The following CPT1A variants were observed in gnomAD, a reference collection of about 807,000 sequenced individuals.
CPT1A encodes carnitine palmitoyltransferase 1A.
Under a neutral mutation model 100.8 loss-of-function variants are expected in CPT1A, and 64 were observed. The ratio of observed to expected loss-of-function variants is 0.63; its 90% CI spans 0.52 to 0.78. The LOEUF (loss-of-function observed/expected upper bound fraction) is 0.78, where lower values mean the gene tolerates loss of function less well. CPT1A is among the 30% of genes least tolerant of loss of function. The pLI, the probability that CPT1A is intolerant of heterozygous loss-of-function variation, is 0.00. For missense variants in CPT1A, 802 were observed against 1,034.1 expected (o/e 0.78, Z 3.08); for synonymous variants, 363 against 396.0 (o/e 0.92, Z 0.99).
chr11:68,768,001 T>C (rs1358672873), intron 14 of CPT1A, among the ~76,000 whole-genome samples: 1 of 150,014 alleles, frequency 6.7e-6, no homozygotes, highest in Non-Finnish European at 1.5e-5. Context: ...CACGCATCTT[T>C]AACCTTGGCA....
At chr11:68,787,673 G>A (rs1367152838) in intron 9 of CPT1A, among the ~76,000 whole-genome samples, 1 of 152,000 alleles carries the variant, frequency 6.6e-6, no homozygotes, top group Non-Finnish European at 1.5e-5. Context: ...TGGGTGCGGT[G>A]GCTCACGTCT....
chr11:68,774,112 G>T (rs542470612), intron 13 of CPT1A, among the ~76,000 whole-genome samples: 1 of 152,202 alleles, frequency 6.6e-6, no homozygotes, highest in Admixed American at 6.5e-5. Context: ...GTCAAACCTC[G>T]CACTTAATCT....
At chr11:68,809,391 T>TA (rs1313953727) in intron 3 of CPT1A, among the ~76,000 whole-genome samples, 3 of 152,230 alleles carry the variant, frequency 2.0e-5, no homozygotes, top group Non-Finnish European at 4.4e-5. Context: ...GGCACTCAGA[T>TA]AAAAAACGTT....
chr11:68,832,971 G>C (rs186355625), intron 1 of CPT1A, among the ~76,000 whole-genome samples: 1 of 152,220 alleles, frequency 6.6e-6, no homozygotes, highest in African/African-American at 2.4e-5. Flanking sequence ...CAGTGTCTCT[G>C]GCGAAGGGCA....
chr11:68,840,390 A>G (rs993979122), intron 1 of CPT1A, among the ~76,000 whole-genome samples: 2 of 152,252 alleles, frequency 1.3e-5, no homozygotes, highest in Non-Finnish European at 2.9e-5. Context: ...ACATGCTTGC[A>G]TATCTGGAAT....
intron 1 of CPT1A, among the ~76,000 whole-genome samples, chr11:68,820,736 G>A (rs1856559947): frequency 6.6e-6 from 1 of 152,010 alleles, no homozygotes; most frequent in Admixed American, 6.6e-5. Context: ...GCAGTATGAT[G>A]AAAACTCCCA....
At chr11:68,759,523 C>A in intron 18 of CPT1A, 46 bp downstream of exon 18, 6 of 1,246,380 alleles carry the variant, frequency 4.8e-6, no homozygotes, top group Non-Finnish European at 7.1e-6. Flanking sequence ...AAGAATAAAG[C>A]AAAAATACCC....
chr11:68,834,468 T>C (rs1343958545), intron 1 of CPT1A, among the ~76,000 whole-genome samples: 1 of 152,006 alleles, frequency 6.6e-6, no homozygotes, highest in Non-Finnish European at 1.5e-5. Context: ...AAAGGAATTC[T>C]GGACTGGGTA....
In CPT1A at chr11:68,756,277, G is replaced by A. The variant is rs942999478; in HGVS notation, c.*1367C>T. 1 of 152,174 alleles carries A rather than the reference G, an allele frequency of 6.6e-6. No homozygotes were observed. Among genetic ancestry groups the A allele is most frequent in the Non-Finnish European group, 1.5e-5 (1 of 68,056 alleles). 9.4% of individuals were successfully genotyped at this position (152,174 alleles called of 1,614,324 possible). ...AAATAAATACACAATTTAAAACAAT[G>A]GACAGCTAAGCTTGTCATGACAGAC... On this transcript the variant is annotated 3_prime_UTR_variant, in exon 19 of 19. Coordinates refer to ENST00000265641, the MANE Select transcript of CPT1A (RefSeq NM_001876.4).
chr11:68,760,348 G>GA lies in CPT1A; in HGVS notation c.2029-11dup. On this transcript the variant is annotated splice_polypyrimidine_tract_variant and intron_variant, in intron 16 of 18. Transcript: ENST00000265641. ...AAGGCTCAGATAAAACCTATTGAGT[G>GA]AAACAGGGAAATGTTTCCTAATCCC... 6.3e-7 allele frequency: 1 copy of GA among 1,597,788 alleles called. No homozygotes were observed. The highest frequency in any genetic ancestry group is 8.6e-7 in the Non-Finnish European group (1 of 1,169,570).
chr11:68,767,085 C>T (rs565283157), intron 14 of CPT1A, among the ~76,000 whole-genome samples: 36 of 152,288 alleles, frequency 2.4e-4, no homozygotes, highest in African/African-American at 8.2e-4. Flanking sequence ...TGAGACTTCA[C>T]GTAATTTTCA....
chr11:68,780,064 C>T (rs898676269), intron 12 of CPT1A, among the ~76,000 whole-genome samples: 4 of 152,078 alleles, frequency 2.6e-5, no homozygotes, highest in East Asian at 1.9e-4. Flanking sequence ...TGTGAAGCTG[C>T]GGCCTGAGAG....
At chr11:68,818,393 G>A (rs1480943915) in intron 1 of CPT1A, among the ~76,000 whole-genome samples, 1 of 152,168 alleles carries the variant, frequency 6.6e-6, no homozygotes, top group East Asian at 1.9e-4. Flanking sequence ...GGACATCCGG[G>A]TGGAGATGCC....
At chr11:68,816,575 C>A (rs1262450506) in intron 1 of CPT1A, among the ~76,000 whole-genome samples, 1 of 152,320 alleles carries the variant, frequency 6.6e-6, no homozygotes, top group East Asian at 1.9e-4. Flanking sequence ...CTTGGCACAG[C>A]CGCTCAGCAC....
chr11:68,792,411 C>T (rs1233897633), intron 9 of CPT1A, among the ~76,000 whole-genome samples: 2 of 152,206 alleles, frequency 1.3e-5, no homozygotes, highest in Admixed American at 6.5e-5. Context: ...CCCCGAGGCC[C>T]GCCCGTCATA....
In CPT1A at chr11:68,794,837, G is replaced by A; in HGVS notation, c.846C>T (p.Tyr282=). 6.2e-7 allele frequency: 1 copy of A among 1,614,222 alleles called. No individual in the cohort carries two copies. Among genetic ancestry groups the A allele is most frequent in the African/African-American group, 1.3e-5 (1 of 75,058 alleles). The part of the protein sequence containing the change: ...AGNAIHAILL[Y]RRKLDREEIK... ...TTTCCTCCCGGTCCAGTTTGCGCCT[G>A]TAAAGCAGGATGGCATGGATGGCGT... Residue 282 remains tyrosine, a synonymous_variant, in exon 8 of 19, where the codon TAC becomes TAT. Coordinates refer to ENST00000265641, the MANE Select transcript of CPT1A (RefSeq NM_001876.4).
intron 12 of CPT1A, among the ~76,000 whole-genome samples, chr11:68,780,200 A>G (rs980781319): frequency 2.0e-5 from 3 of 152,228 alleles, no homozygotes; most frequent in African/African-American, 7.2e-5. Flanking sequence ...CTTCATGTGC[A>G]TTACTAGTAC....
chr11:68,769,176 C>T (rs898219470), intron 14 of CPT1A, among the ~76,000 whole-genome samples: 2 of 152,138 alleles, frequency 1.3e-5, no homozygotes, highest in African/African-American at 4.8e-5. Context: ...GTCAAATGCT[C>T]CCTCCATTAC....
chr11:68,827,974 C>A (rs1444970225), intron 1 of CPT1A, among the ~76,000 whole-genome samples: 2 of 152,170 alleles, frequency 1.3e-5, no homozygotes, highest in African/African-American at 4.8e-5. Flanking sequence ...TCTCTGTTCA[C>A]TTTTTCACTG....
Sources: allele counts gnomAD v4.1 joint callset (sites outside exome capture counted in the v4.1 genomes callset), GRCh38; gene constraint gnomAD v4.1.1; transcripts MANE v1.5; gene names NCBI Gene and HGNC (gene_info 2026-07-23, HGNC 2026-07-21).